The following HEMK2 variants were observed in gnomAD, a reference collection of about 807,000 sequenced individuals.
The protein encoded by HEMK2 is HemK methyltransferase 2, ETF1 glutamine and histone H4 lysine.
the HEMK2 span, among the ~76,000 whole-genome samples, chr21:28,588,354 T>C: frequency 6.6e-6 from 1 of 152,178 alleles, no homozygotes; most frequent in African/African-American, 2.4e-5. Flanking sequence ...GGCAGTTCCT[T>C]ACATATTGAT....
chr21:28,731,234 T>C, the HEMK2 span, among the ~76,000 whole-genome samples: 1 of 152,198 alleles, frequency 6.6e-6, no homozygotes, highest in African/African-American at 2.4e-5. Flanking sequence ...GTTTATATTA[T>C]GATACTCAAT....
chr21:28,870,805 C>CT, the HEMK2 span, among the ~76,000 whole-genome samples: 1 of 152,144 alleles, frequency 6.6e-6, no homozygotes, highest in South Asian at 2.1e-4. Context: ...AACCTAAACA[C>CT]TTTATAGTCA....
At chr21:28,679,558 C>T in the HEMK2 span, among the ~76,000 whole-genome samples, 1 of 152,180 alleles carries the variant, frequency 6.6e-6, no homozygotes, top group Non-Finnish European at 1.5e-5. Context: ...ACCTAATAGA[C>T]ATCTACAGAA....
At chr21:28,696,705 A>C in the HEMK2 span, among the ~76,000 whole-genome samples, 2 of 152,148 alleles carry the variant, frequency 1.3e-5, no homozygotes, top group African/African-American at 4.8e-5. Context: ...GCACTGCCCT[A>C]GCAGAGGTTC....
the HEMK2 span, among the ~76,000 whole-genome samples, chr21:28,841,407 T>A: frequency 1.2e-4 from 4 of 32,708 alleles, 1 homozygote; most frequent in Admixed American, 2.4e-3. Flanking sequence ...ATATATATAA[T>A]ATATATATTA....
chr21:28,700,727 G>A, the HEMK2 span, among the ~76,000 whole-genome samples: 2 of 152,100 alleles, frequency 1.3e-5, no homozygotes, highest in African/African-American at 4.8e-5. Context: ...ATAAAGAGCT[G>A]GTACCATTCC....
At chr21:28,615,911 T>C in the HEMK2 span, among the ~76,000 whole-genome samples, 1 of 152,190 alleles carries the variant, frequency 6.6e-6, no homozygotes, top group African/African-American at 2.4e-5. Context: ...AAGTCTAAGA[T>C]AGCCCACTGA....
the HEMK2 span, among the ~76,000 whole-genome samples, chr21:28,661,152 A>G: frequency 6.6e-6 from 1 of 152,104 alleles, no homozygotes; most frequent in South Asian, 2.1e-4. Flanking sequence ...ATCCTTCAAA[A>G]TAACTAATTA....
the HEMK2 span, among the ~76,000 whole-genome samples, chr21:28,835,784 T>C: frequency 6.6e-6 from 1 of 152,062 alleles, no homozygotes. Flanking sequence ...ATAGACGGCT[T>C]AAAGAAAAAC....
At chr21:28,725,833 G>C in the HEMK2 span, among the ~76,000 whole-genome samples, 1 of 152,144 alleles carries the variant, frequency 6.6e-6, no homozygotes, top group African/African-American at 2.4e-5. Flanking sequence ...TTATTAGGTT[G>C]ACATCTATAG....
At chr21:28,863,463 T>TA in the HEMK2 span, among the ~76,000 whole-genome samples, 1 of 84,314 alleles carries the variant, frequency 1.2e-5, no homozygotes, top group African/African-American at 4.9e-5. Flanking sequence ...TATATATATA[T>TA]ATATATACTT....
the HEMK2 span, among the ~76,000 whole-genome samples, chr21:28,835,327 GA>G: frequency 1.3e-5 from 2 of 152,182 alleles, no homozygotes; most frequent in African/African-American, 4.8e-5. Flanking sequence ...ACACTGTGCA[GA>G]AAACCCCCAG....
the HEMK2 span, among the ~76,000 whole-genome samples, chr21:28,677,022 T>A: frequency 3.9e-5 from 6 of 152,272 alleles, no homozygotes; most frequent in African/African-American, 1.2e-4. Context: ...ACCGGGTTCA[T>A]CTCACTGGGG....
the HEMK2 span, among the ~76,000 whole-genome samples, chr21:28,627,015 C>A: frequency 6.6e-6 from 1 of 152,036 alleles, no homozygotes; most frequent in Non-Finnish European, 1.5e-5. Context: ...AATGAATATG[C>A]CAATTGTGGC....
At chr21:28,595,139 T>A in the HEMK2 span, among the ~76,000 whole-genome samples, 1 of 152,246 alleles carries the variant, frequency 6.6e-6, no homozygotes, top group Non-Finnish European at 1.5e-5. Flanking sequence ...AGATGGGGTA[T>A]CTGTATCCTC....
chr21:28,877,401 GA>G, the HEMK2 span, among the ~76,000 whole-genome samples: 17 of 47,108 alleles, frequency 3.6e-4, no homozygotes, highest in Non-Finnish European at 4.6e-4. Flanking sequence ...AGGAAGGGAA[GA>G]AAAAAAAGAA....
At chr21:28,736,784 G>C in the HEMK2 span, among the ~76,000 whole-genome samples, 1 of 134,024 alleles carries the variant, frequency 7.5e-6, no homozygotes, top group Non-Finnish European at 1.5e-5. Flanking sequence ...GTCTGTATTT[G>C]GATACAATTA....
At chr21:28,729,664 CATA>C in the HEMK2 span, among the ~76,000 whole-genome samples, 19,119 of 149,434 alleles carry the variant, frequency 0.13, 1,384 homozygotes, top group East Asian at 0.3. Context: ...AAAAAAATTT[CATA>C]ATGTTTTAAG....
chr21:28,862,501 C>T, the HEMK2 span, among the ~76,000 whole-genome samples: 8 of 145,030 alleles, frequency 5.5e-5, 2 homozygotes, highest in African/African-American at 1.6e-4. Context: ...TAGCCTGGCG[C>T]GGTGGCGGGC....
Sources: allele counts gnomAD v4.1 joint callset (sites outside exome capture counted in the v4.1 genomes callset), GRCh38; gene constraint gnomAD v4.1.1; transcripts MANE v1.5; gene names NCBI Gene and HGNC (gene_info 2026-07-23, HGNC 2026-07-21).